The following CNTNAP2 variants were observed in gnomAD, a reference collection of about 807,000 sequenced individuals.
CNTNAP2 encodes the protein contactin-associated protein-like 2.
CNTNAP2 carries 98 observed loss-of-function variants against 155.2 expected under a neutral mutation model. The observed-to-expected ratio is 0.63, with a 90% CI of 0.54 to 0.75. The LOEUF (loss-of-function observed/expected upper bound fraction) is 0.75. CNTNAP2 is among the 30% of genes least tolerant of loss of function. The pLI is 0.00. For missense variants in CNTNAP2, 1,727 were observed against 1,688.1 expected (o/e 1.02, Z -0.40); for synonymous variants, 651 against 631.2 (o/e 1.03, Z -0.47).
chr7:147,234,482 C>T (rs548321288), intron 8 of CNTNAP2, among the ~76,000 whole-genome samples: 4 of 151,892 alleles, frequency 2.6e-5, no homozygotes, highest in Admixed American at 6.6e-5. Context: ...GGACTACAGG[C>T]GCCTGACACC....
chr7:146,242,405 G>A (rs912396857), intron 1 of CNTNAP2, among the ~76,000 whole-genome samples: 1 of 152,014 alleles, frequency 6.6e-6, no homozygotes, highest in African/African-American at 2.4e-5. Context: ...CAGACGTGGT[G>A]GCTTGTGCCT....
At position 148,273,389 on chromosome 7, in the gene CNTNAP2, G is replaced by A. The variant is rs553052078; in HGVS notation, c.3475+6263G>A. On this transcript the variant is annotated intron_variant, in intron 21 of 23. Coordinates refer to ENST00000361727, the MANE Select transcript of CNTNAP2 (RefSeq NM_014141.6). ...ATGCATGATGATAGATATGAATTTA[G>A]AAGAATATCAATGTACAGCGATCAC... 9.8e-5 allele frequency among the ~76,000 whole-genome samples: 15 copies of A among 152,304 alleles called. No individual in the cohort carries two copies. The South Asian group carries it at 2.5e-3, about 25-fold the overall frequency.
chr7:146,335,629 T>G (rs970589861), intron 1 of CNTNAP2, among the ~76,000 whole-genome samples: 1 of 152,176 alleles, frequency 6.6e-6, no homozygotes, highest in Non-Finnish European at 1.5e-5. Flanking sequence ...AGCAAACAGT[T>G]AAAACCCTTT....
intron 15 of CNTNAP2, among the ~76,000 whole-genome samples, chr7:148,082,500 T>A (rs185830761): frequency 6.6e-6 from 1 of 151,274 alleles, no homozygotes; most frequent in Admixed American, 6.6e-5. Flanking sequence ...AGAGGAGGAG[T>A]GTGGTCAGAG....
At position 147,128,010 on chromosome 7, in the gene CNTNAP2, A is replaced by G. The variant is rs186904921; in HGVS notation, c.940-683A>G. 1.4e-3 allele frequency among the ~76,000 whole-genome samples: 210 copies of G among 152,282 alleles called. 1 individual carries two copies. Among genetic ancestry groups the G allele is most frequent in the Non-Finnish European group, 2.5e-3 (170 of 68,018 alleles). On this transcript the variant is annotated intron_variant, in intron 6 of 23. Transcript: ENST00000361727. ...TATAAGAAATGGATATTTTCTTTCT[A>G]TAAGCGATAGCAGCCAGAGAAACAC...
chr7:148,245,631 C>T (rs1024297994), intron 20 of CNTNAP2, among the ~76,000 whole-genome samples: 3 of 152,174 alleles, frequency 2.0e-5, no homozygotes, highest in Non-Finnish European at 2.9e-5. Flanking sequence ...ATAGAGCGGG[C>T]TCAGGGTCAC....
intron 18 of CNTNAP2, among the ~76,000 whole-genome samples, chr7:148,211,470 A>C (rs868275854): frequency 1.1e-4 from 17 of 152,256 alleles, no homozygotes; most frequent in African/African-American, 3.9e-4. Flanking sequence ...TGCATGAGGC[A>C]GCTTGCACAG....
In CNTNAP2 at chr7:148,418,420, A is replaced by G. The variant is rs1401191974; in HGVS notation, c.*2804A>G. 4 of 152,236 alleles carry G rather than the reference A, an allele frequency of 2.6e-5. No homozygotes were observed. The highest frequency in any genetic ancestry group is 4.4e-5 in the Non-Finnish European group (3 of 68,042). 9.4% of individuals were successfully genotyped at this position (152,236 alleles called of 1,614,324 possible). ...CAAGTATGCTGGTAGTAGCCTCTTTAAATAATATGTATAGACAACAACAAC... is the reference window on the plus strand; with the variant it reads ...CAAGTATGCTGGTAGTAGCCTCTTTGAATAATATGTATAGACAACAACAAC... On this transcript the variant is annotated 3_prime_UTR_variant, in exon 24 of 24. Transcript: ENST00000361727.
At chr7:147,461,573 C>A (rs1263212084) in intron 10 of CNTNAP2, among the ~76,000 whole-genome samples, 2 of 151,928 alleles carry the variant, frequency 1.3e-5, no homozygotes, top group African/African-American at 4.8e-5. Flanking sequence ...TTATTACTTT[C>A]TTTAAAATTA....
At chr7:146,964,147 T>G in intron 3 of CNTNAP2, among the ~76,000 whole-genome samples, 1 of 152,198 alleles carries the variant, frequency 6.6e-6, no homozygotes, top group East Asian at 1.9e-4. Context: ...TTCATAGCCT[T>G]AGTCCACTGT....
intron 3 of CNTNAP2, among the ~76,000 whole-genome samples, chr7:146,882,707 A>G (rs571683226): frequency 6.6e-6 from 1 of 152,132 alleles, no homozygotes. Context: ...CAGTAATGGG[A>G]TTGCTGAGCT....
chr7:146,333,459 A>G (rs1280363808), intron 1 of CNTNAP2, among the ~76,000 whole-genome samples: 1 of 152,166 alleles, frequency 6.6e-6, no homozygotes, highest in Non-Finnish European at 1.5e-5. Context: ...CTGTTATCTC[A>G]TGCCCGGAAA....
chr7:147,737,788 G>A (rs552820108), intron 13 of CNTNAP2, among the ~76,000 whole-genome samples: 39 of 152,310 alleles, frequency 2.6e-4, no homozygotes, highest in African/African-American at 8.7e-4. Context: ...AGCAATGAGC[G>A]AGGCTCTGTG....
rs573186040 is a variant in CNTNAP2, at chr7:146,633,691, T to C, written c.98-140580T>C. Reference sequence around the variant, plus strand: ...AAAAATACAAAAAACTAGCCGGGCATGATGGTGGGCGCCTGTAGTCCCAGC... The same window carrying C: ...AAAAATACAAAAAACTAGCCGGGCACGATGGTGGGCGCCTGTAGTCCCAGC... On this transcript the variant is annotated intron_variant, in intron 1 of 23. Coordinates refer to ENST00000361727, the MANE Select transcript of CNTNAP2 (RefSeq NM_014141.6). Among the ~76,000 whole-genome samples the C allele has an allele frequency of 1.1e-4, 16 of 151,892 alleles. No individual in the cohort carries two copies. In the East Asian group the frequency reaches 3.1e-3, roughly 29 times the overall value.
chr7:146,433,745 G>A (rs891770001), intron 1 of CNTNAP2, among the ~76,000 whole-genome samples: 2 of 152,112 alleles, frequency 1.3e-5, no homozygotes, highest in Admixed American at 6.6e-5. Flanking sequence ...TGAAAACATG[G>A]AGAGCAGAGT....
intron 14 of CNTNAP2, chr7:147,939,866 CCT>C (rs1318732839): frequency 6.6e-6 from 1 of 152,136 alleles, no homozygotes; most frequent in Admixed American, 6.5e-5. Flanking sequence ...CAAAAAGTTT[CCT>C]TTTTTCCCCA....
intron 8 of CNTNAP2, among the ~76,000 whole-genome samples, chr7:147,214,446 A>G (rs1188820086): frequency 6.6e-6 from 1 of 152,096 alleles, no homozygotes; most frequent in East Asian, 1.9e-4. Context: ...TCTACCTTAT[A>G]TGATTGGTAT....
chr7:147,500,176 A>G (rs1232878554), intron 11 of CNTNAP2, among the ~76,000 whole-genome samples: 2 of 151,786 alleles, frequency 1.3e-5, no homozygotes, highest in Non-Finnish European at 2.9e-5. Context: ...AATATGATCT[A>G]TCACTGACAT....
intron 12 of CNTNAP2, among the ~76,000 whole-genome samples, chr7:147,607,313 G>A (rs1251151989): frequency 1.3e-5 from 2 of 152,030 alleles, no homozygotes; most frequent in Non-Finnish European, 2.9e-5. Flanking sequence ...TTAGTTCAAG[G>A]CACTCAGCAT....
Sources: gnomAD v4.1 joint callset for allele counts (sites outside exome capture counted in the v4.1 genomes callset) on GRCh38, gnomAD v4.1.1 for gene constraint, MANE v1.5 for transcripts, NCBI Gene and HGNC (gene_info 2026-07-23, HGNC 2026-07-21) for gene names.